Variants in PDGFC observed in about 807,000 individuals in gnomAD.
The protein encoded by PDGFC is platelet derived growth factor C.
A neutral mutation model predicts 35.5 loss-of-function variants in PDGFC; 12 were observed. That is an observed-to-expected ratio of 0.34 (90% CI 0.22 to 0.55). PDGFC has a LOEUF of 0.55. Ranked by LOEUF, PDGFC falls within the 20% of genes least tolerant of loss-of-function variation. The pLI is 0.91. For synonymous variants in PDGFC, 159 were observed against 148.8 expected, an observed-to-expected ratio of 1.07 and a Z score of -0.50; for missense variants, 322 against 412.4, an observed-to-expected ratio of 0.78 and a Z score of 1.90.
chr4:156,897,912 C>T (rs1471888065), intron 1 of PDGFC, among the ~76,000 whole-genome samples: 1 of 152,094 alleles, frequency 6.6e-6, no homozygotes, highest in Non-Finnish European at 1.5e-5. Context: ...TAAAGCTGTC[C>T]GTCTGCATGA....
At chr4:156,879,868 T>G (rs868599807) in intron 1 of PDGFC, among the ~76,000 whole-genome samples, 1 of 152,182 alleles carries the variant, frequency 6.6e-6, no homozygotes, top group African/African-American at 2.4e-5. Context: ...CTAAATAAAG[T>G]TTTTGTTCTC....
intron 2 of PDGFC, among the ~76,000 whole-genome samples, chr4:156,825,593 T>TAATAATAAG (rs1267062505): frequency 1.9e-3 from 117 of 62,170 alleles, no homozygotes; most frequent in South Asian, 4.3e-3. Flanking sequence ...ATAATAATAA[T>TAATAATAAG]AAGAAGAAGA....
chr4:156,921,576 GT>G (rs202125009), intron 1 of PDGFC, among the ~76,000 whole-genome samples: 20 of 152,164 alleles, frequency 1.3e-4, no homozygotes, highest in African/African-American at 3.6e-4. Context: ...TGCTGGGTGG[GT>G]TTTTTTCCCC....
At chr4:156,808,346 T>C (rs1731829737) in intron 3 of PDGFC, among the ~76,000 whole-genome samples, 1 of 152,072 alleles carries the variant, frequency 6.6e-6, no homozygotes, top group Non-Finnish European at 1.5e-5. Flanking sequence ...ATTTTTACTA[T>C]TACAAAGAAA....
At chr4:156,840,037 C>T (rs1037160901) in intron 2 of PDGFC, among the ~76,000 whole-genome samples, 1 of 152,124 alleles carries the variant, frequency 6.6e-6, no homozygotes, top group African/African-American at 2.4e-5. Flanking sequence ...AATTTGCAGC[C>T]TGACAATGCA....
chr4:156,802,656 C>G (rs1294856554), intron 3 of PDGFC, among the ~76,000 whole-genome samples: 2 of 151,926 alleles, frequency 1.3e-5, no homozygotes, highest in East Asian at 3.9e-4. Flanking sequence ...TTAATCAACT[C>G]AGCTCCTAGT....
intron 1 of PDGFC, among the ~76,000 whole-genome samples, chr4:156,883,283 A>T (rs977387556): frequency 3.3e-5 from 5 of 152,164 alleles, no homozygotes; most frequent in African/African-American, 7.2e-5. Flanking sequence ...CACTAGGTCC[A>T]ACTCTGTTTA....
At chr4:156,862,738 T>C (rs1310921052) in intron 1 of PDGFC, among the ~76,000 whole-genome samples, 1 of 148,414 alleles carries the variant, frequency 6.7e-6, no homozygotes. Context: ...TTTTTTTTTT[T>C]GGTCACCCAG....
At chr4:156,931,953 A>C (rs1278622200) in intron 1 of PDGFC, among the ~76,000 whole-genome samples, 1 of 152,168 alleles carries the variant, frequency 6.6e-6, no homozygotes, top group African/African-American at 2.4e-5. Context: ...AGCAACATTT[A>C]AAGAGCATCT....
chr4:156,927,194 C>T (rs867728834), intron 1 of PDGFC, among the ~76,000 whole-genome samples: 40 of 152,264 alleles, frequency 2.6e-4, no homozygotes, highest in Middle Eastern at 3.4e-3. Context: ...AGCAGAGAGA[C>T]GCTGGGCCTG....
chr4:156,818,384 T>C (rs1162514246), intron 2 of PDGFC, among the ~76,000 whole-genome samples: 2 of 152,010 alleles, frequency 1.3e-5, no homozygotes, highest in Admixed American at 6.6e-5. Flanking sequence ...ATGGAGCTGT[T>C]TTGCCTTCAT....
At chr4:156,922,751 G>A (rs902015802) in intron 1 of PDGFC, among the ~76,000 whole-genome samples, 2 of 152,158 alleles carry the variant, frequency 1.3e-5, no homozygotes, top group South Asian at 2.1e-4. Context: ...GGGTCGGGGG[G>A]TGTTCCACAT....
At chr4:156,867,121 T>G (rs1392973628) in intron 1 of PDGFC, among the ~76,000 whole-genome samples, 1 of 152,258 alleles carries the variant, frequency 6.6e-6, no homozygotes, top group Non-Finnish European at 1.5e-5. Context: ...ATTTTTTTAA[T>G]ATTTCATTTT....
chr4:156,928,256 C>T (rs766810033), intron 1 of PDGFC, among the ~76,000 whole-genome samples: 4 of 151,984 alleles, frequency 2.6e-5, no homozygotes, highest in African/African-American at 7.3e-5. Context: ...TTTATCTATC[C>T]GTCTATGTGA....
rs538696024 is a variant in PDGFC at position 156,948,908 on chromosome 4, G to A, written c.118+21878C>T. On this transcript the variant is annotated intron_variant, in intron 1 of 5. Coordinates refer to ENST00000502773, the MANE Select transcript of PDGFC (RefSeq NM_016205.3). ...GCCCCGTATCCCCTGAGTAATGACAGCTCTGTGTAATTCACAGCATTTCTC... is the reference window on the plus strand; with the variant it reads ...GCCCCGTATCCCCTGAGTAATGACAACTCTGTGTAATTCACAGCATTTCTC... Among the ~76,000 whole-genome samples the A allele has an allele frequency of 1.8e-3, 277 of 152,004 alleles. 1 individual carries two copies. The highest frequency in any genetic ancestry group is 6.4e-3 in the African/African-American group (265 of 41,506).
chr4:156,949,121 G>A (rs574364472), intron 1 of PDGFC, among the ~76,000 whole-genome samples: 1 of 151,810 alleles, frequency 6.6e-6, no homozygotes, highest in African/African-American at 2.4e-5. Context: ...TATCTCTTTT[G>A]TTAAGAACCA....
chr4:156,838,274 G>A (rs2111045324), intron 2 of PDGFC, among the ~76,000 whole-genome samples: 1 of 152,266 alleles, frequency 6.6e-6, no homozygotes, highest in East Asian at 1.9e-4. Context: ...GCTTTCAGGG[G>A]CCATTTCTCC....
intron 2 of PDGFC, among the ~76,000 whole-genome samples, chr4:156,818,609 C>T (rs1732160367): frequency 6.6e-6 from 1 of 151,470 alleles, no homozygotes; most frequent in Non-Finnish European, 1.5e-5. Flanking sequence ...CAAGCTCCGC[C>T]TCCTGGGTTC....
intron 1 of PDGFC, among the ~76,000 whole-genome samples, chr4:156,954,510 C>A (rs116535091): frequency 2.0e-5 from 3 of 151,472 alleles, no homozygotes; most frequent in African/African-American, 7.3e-5. Flanking sequence ...ACAAAAAATA[C>A]GTCAAAGTTA....
Sources: gnomAD v4.1 joint callset for allele counts (sites outside exome capture counted in the v4.1 genomes callset) on GRCh38, gnomAD v4.1.1 for gene constraint, MANE v1.5 for transcripts, NCBI Gene and HGNC (gene_info 2026-07-23, HGNC 2026-07-21) for gene names.